The following CCDC7 variants were observed in gnomAD, a reference collection of about 807,000 sequenced individuals.
CCDC7 encodes coiled-coil domain-containing protein 7.
CCDC7 carries 183 observed loss-of-function variants against 196.9 expected under a neutral mutation model. That is an observed-to-expected ratio of 0.93 (90% confidence interval 0.82 to 1.05). CCDC7 has a LOEUF of 1.05. Among genes scored for constraint, CCDC7 ranks in the 50% least tolerant of loss-of-function variants. CCDC7 has a pLI of 0.00. For missense variants in CCDC7, 1,540 were observed against 1,482.2 expected (o/e 1.04, Z -0.64); for synonymous variants, 525 against 484.6 (o/e 1.08, Z -1.10).
At chr10:32,870,956 T>C (rs2094406022) in intron 41 of CCDC7, among the ~76,000 whole-genome samples, 3 of 152,338 alleles carry the variant, frequency 2.0e-5, no homozygotes, top group African/African-American at 4.8e-5. Context: ...CACTTGATCA[T>C]GGTGGATAAG....
intron 25 of CCDC7, among the ~76,000 whole-genome samples, chr10:32,713,579 G>T (rs2081154920): frequency 6.6e-6 from 1 of 152,220 alleles, no homozygotes; most frequent in Non-Finnish European, 1.5e-5. Context: ...TCACTGAGAG[G>T]GTTAGAGAAA....
intron 20 of CCDC7, among the ~76,000 whole-genome samples, chr10:32,639,629 GTTT>G (rs552548575): frequency 7.5e-6 from 1 of 133,264 alleles, no homozygotes; most frequent in African/African-American, 2.7e-5. Context: ...TTTCTGTTCT[GTTT>G]TTTTTTTTTT....
intron 24 of CCDC7, among the ~76,000 whole-genome samples, chr10:32,706,302 TG>T (rs1217647730): frequency 6.6e-6 from 1 of 152,206 alleles, no homozygotes; most frequent in Admixed American, 6.5e-5. Flanking sequence ...CTGGAATCTC[TG>T]GGACACATTT....
intron 9 of CCDC7, among the ~76,000 whole-genome samples, chr10:32,517,039 A>G (rs1050654449): frequency 1.3e-5 from 2 of 152,212 alleles, no homozygotes; most frequent in African/African-American, 4.8e-5. Context: ...CATACTGTGG[A>G]ACAATGTCAC....
chr10:32,518,708 C>G (rs76682755), intron 11 of CCDC7, among the ~76,000 whole-genome samples: 31 of 152,130 alleles, frequency 2.0e-4, no homozygotes, highest in Admixed American at 9.8e-4. Context: ...CATGAAAAAA[C>G]ATAAAATTTA....
intron 18 of CCDC7, among the ~76,000 whole-genome samples, chr10:32,597,907 G>A (rs190238090): frequency 6.6e-6 from 1 of 152,238 alleles, no homozygotes; most frequent in Non-Finnish European, 1.5e-5. Flanking sequence ...GGTGTCAGTC[G>A]CCCCCCTACT....
intron 39 of CCDC7, among the ~76,000 whole-genome samples, chr10:32,849,258 G>A (rs924337326): frequency 2.6e-5 from 4 of 151,792 alleles, no homozygotes; most frequent in African/African-American, 9.7e-5. Flanking sequence ...TAACCACTTA[G>A]GTAACTGATG....
chr10:32,762,471 CAG>C (rs2077608483), intron 28 of CCDC7, among the ~76,000 whole-genome samples: 1 of 151,418 alleles, frequency 6.6e-6, no homozygotes, highest in African/African-American at 2.4e-5. Flanking sequence ...TTTAGAGAAA[CAG>C]AAAACAAAAA....
chr10:32,595,027 C>T (rs887778934), intron 18 of CCDC7, among the ~76,000 whole-genome samples: 9 of 152,140 alleles, frequency 5.9e-5, no homozygotes, highest in Non-Finnish European at 2.9e-5. Context: ...TGTTGTATCC[C>T]TGCTAGGCTT....
chr10:32,584,369 T>C (rs1327972935), intron 18 of CCDC7, 65 bp downstream of exon 19: 1 of 1,095,866 alleles, frequency 9.1e-7, no homozygotes, highest in Non-Finnish European at 1.3e-6. Flanking sequence ...CATGATATAA[T>C]TATAAATAAA....
intron 21 of CCDC7, among the ~76,000 whole-genome samples, chr10:32,678,037 C>G (rs759547518): frequency 2.0e-5 from 3 of 152,032 alleles, no homozygotes; most frequent in Non-Finnish European, 4.4e-5. Flanking sequence ...TTGTGTTCCT[C>G]TGTTCCAGAC....
intron 21 of CCDC7, 63 bp from the exon 23 acceptor site, chr10:32,685,907 A>T: frequency 1.1e-6 from 1 of 947,846 alleles, no homozygotes; most frequent in Non-Finnish European, 1.6e-6. Context: ...AATTTGAAAC[A>T]CAGAAATTTC....
At chr10:32,496,399 G>T (rs949638706) in intron 9 of CCDC7, among the ~76,000 whole-genome samples, 4 of 152,074 alleles carry the variant, frequency 2.6e-5, no homozygotes, top group Admixed American at 6.6e-5. Flanking sequence ...TGATTGCCCT[G>T]GCCAGAACTT....
chr10:32,750,402 C>T (rs1050194747), intron 28 of CCDC7, among the ~76,000 whole-genome samples: 9 of 151,866 alleles, frequency 5.9e-5, no homozygotes, highest in Non-Finnish European at 1.2e-4. Context: ...AATCTCGAGG[C>T]AGAAAAAGTG....
chr10:32,673,139 C>T (rs565314655), intron 21 of CCDC7, among the ~76,000 whole-genome samples: 14 of 152,172 alleles, frequency 9.2e-5, no homozygotes, highest in Non-Finnish European at 1.8e-4. Context: ...CTCCCTGTTA[C>T]ATTGGTGTAT....
intron 29 of CCDC7, among the ~76,000 whole-genome samples, chr10:32,803,490 T>C (rs1565549328): frequency 6.6e-6 from 1 of 152,144 alleles, no homozygotes; most frequent in Non-Finnish European, 1.5e-5. Flanking sequence ...TATCATTATA[T>C]ACTAATCTTT....
intron 25 of CCDC7, among the ~76,000 whole-genome samples, chr10:32,723,206 G>A (rs959144720): frequency 1.3e-5 from 2 of 152,114 alleles, no homozygotes; most frequent in African/African-American, 4.8e-5. Flanking sequence ...TGTTGTGAAA[G>A]TGCTTGCCCA....
intron 9 of CCDC7, among the ~76,000 whole-genome samples, chr10:32,516,841 T>C (rs1254408376): frequency 1.3e-5 from 2 of 152,196 alleles, no homozygotes; most frequent in African/African-American, 2.4e-5. Context: ...TGAAAACACA[T>C]GTTCACACAA....
At chr10:32,600,329 A>C (rs2060866088) in intron 18 of CCDC7, among the ~76,000 whole-genome samples, 1 of 151,946 alleles carries the variant, frequency 6.6e-6, no homozygotes, top group South Asian at 2.1e-4. Flanking sequence ...TATTGTAAAA[A>C]AGATTGAGTT....
Sources: allele counts gnomAD v4.1 joint callset (sites outside exome capture counted in the v4.1 genomes callset), GRCh38; gene constraint gnomAD v4.1.1; transcripts MANE v1.5; gene names NCBI Gene and HGNC (gene_info 2026-07-23, HGNC 2026-07-21).